The following RHCE variants were observed in gnomAD, a reference collection of about 807,000 sequenced individuals.
RHCE encodes the protein blood group Rh(CE) polypeptide.
RHCE carries 22 observed loss-of-function variants against 43.8 expected under a neutral mutation model. The observed-to-expected ratio is 0.50, with a 90% CI of 0.36 to 0.72. RHCE has a LOEUF of 0.72. RHCE is among the 30% of genes least tolerant of loss of function. The probability of loss-of-function intolerance (pLI) is 0.00; values close to 1 mark genes in which losing one functional copy is unlikely to be tolerated. For synonymous variants in RHCE, 156 were observed against 210.7 expected (o/e 0.74, Z 2.25); for missense variants, 385 against 525.4 (o/e 0.73, Z 2.61).
At chr1:25,394,561 A>T (rs998583028) in intron 3 of RHCE, among the ~76,000 whole-genome samples, 3 of 151,892 alleles carry the variant, frequency 2.0e-5, no homozygotes, top group Admixed American at 1.3e-4. Context: ...ACTCTCTAAC[A>T]TGCTATATCT....
intron 7 of RHCE, among the ~76,000 whole-genome samples, chr1:25,385,074 T>C (rs1485463996): frequency 2.0e-5 from 3 of 152,192 alleles, no homozygotes; most frequent in Non-Finnish European, 4.4e-5. Flanking sequence ...CAGGAAGTAA[T>C]GGCTAGGGCT....
In RHCE at chr1:25,407,972, T is replaced by C. The variant is rs1429168732; in HGVS notation, c.335+711A>G. On this transcript the variant is annotated intron_variant, in intron 2 of 9. Transcript: ENST00000294413. Reference sequence around the variant, plus strand: ...TTCTTGTCTAGTAGCTTTAGGGGGCTGAAAGTCCTTTCTTTTCAAGAGAAT... The same window carrying C: ...TTCTTGTCTAGTAGCTTTAGGGGGCCGAAAGTCCTTTCTTTTCAAGAGAAT... Among the ~76,000 whole-genome samples, 10 of 123,858 alleles carry C rather than the reference T, an allele frequency of 8.1e-5. 4 individuals carry two copies. The highest frequency in any genetic ancestry group is 1.7e-4 in the Non-Finnish European group (9 of 54,242). 81.3% of individuals were successfully genotyped at this position (123,858 alleles called of 152,430 possible). A position where few individuals can be genotyped will look rare whatever the true frequency, so the allele number is the denominator to read the frequency against.
At chr1:25,422,732 T>C (rs191462340), upstream of RHCE, among the ~76,000 whole-genome samples, 27 of 152,260 alleles carry the variant, frequency 1.8e-4, no homozygotes, top group African/African-American at 6.5e-4. Context: ...CCCAACCTAT[T>C]TGGCACCAGG....
chr1:25,418,499 T>C (rs1438495261), intron 1 of RHCE, among the ~76,000 whole-genome samples: 3 of 151,208 alleles, frequency 2.0e-5, no homozygotes, highest in Non-Finnish European at 4.4e-5. Context: ...GATGGGGTTT[T>C]GCCATGTTGG....
chr1:25,380,593 C>A (rs1014290252), intron 7 of RHCE, among the ~76,000 whole-genome samples: 4 of 152,210 alleles, frequency 2.6e-5, no homozygotes, highest in African/African-American at 9.6e-5. Context: ...ATTCTGCACA[C>A]CTGCAAAATT....
chr1:25,376,764 A>G (rs1242760201), intron 7 of RHCE, among the ~76,000 whole-genome samples: 1 of 151,854 alleles, frequency 6.6e-6, no homozygotes, highest in Non-Finnish European at 1.5e-5. Context: ...AATACAAAAC[A>G]TTAGCCGGGA....
At chr1:25,377,379 G>C (rs935031898) in intron 7 of RHCE, among the ~76,000 whole-genome samples, 4 of 151,894 alleles carry the variant, frequency 2.6e-5, no homozygotes, top group Non-Finnish European at 2.9e-5. Context: ...TGTATTTTTA[G>C]TAAGGACAGG....
chr1:25,376,037 C>G (rs1028109614), intron 7 of RHCE, among the ~76,000 whole-genome samples: 2 of 152,068 alleles, frequency 1.3e-5, no homozygotes, highest in Non-Finnish European at 2.9e-5. Context: ...GTGATCTGCC[C>G]GCCTTGGCCT....
chr1:25,429,861 AC>A (rs750693984), intron 1 of RHCE: 6 of 152,120 alleles, frequency 3.9e-5, no homozygotes. Flanking sequence ...CACCATGCGG[AC>A]TTTTCTAAGT....
intron 2 of RHCE, among the ~76,000 whole-genome samples, chr1:25,404,553 G>T: frequency 6.6e-6 from 1 of 150,518 alleles, no homozygotes; most frequent in South Asian, 2.1e-4. Context: ...ATTGACAAAG[G>T]CTTAACTCAG....
intron 1 of RHCE, among the ~76,000 whole-genome samples, chr1:25,410,858 G>A (rs748693983): frequency 1.3e-5 from 2 of 152,116 alleles, no homozygotes; most frequent in Non-Finnish European, 2.9e-5. Flanking sequence ...TTAGGAGGAT[G>A]AGGTGGGCAG....
chr1:25,370,406 C>T (rs1237182915), intron 9 of RHCE, 61 bp downstream of exon 9: 3 of 1,386,892 alleles, frequency 2.2e-6, no homozygotes, highest in East Asian at 2.3e-5. Context: ...CATATATACC[C>T]AGGTATGTTT....
In RHCE at chr1:25,408,546, A is replaced by G. The variant is rs978088779; in HGVS notation, c.335+137T>C. 9 of 719,748 alleles carry G rather than the reference A, an allele frequency of 1.3e-5. 3 individuals carry two copies. The highest frequency in any genetic ancestry group is 1.9e-5 in the Non-Finnish European group (9 of 474,596). 44.6% of individuals were successfully genotyped at this position (719,748 alleles called of 1,614,324 possible). ...AATTTTAAACAATGAATAATCTTTT[A>G]GCATAAGGATGTCCTAAATATTGCA... On this transcript the variant is annotated intron_variant, in intron 2 of 9. Coordinates refer to ENST00000294413, the MANE Select transcript of RHCE (RefSeq NM_020485.8).
At chr1:25,393,916 G>T (rs1410265112) in intron 3 of RHCE, among the ~76,000 whole-genome samples, 2 of 152,048 alleles carry the variant, frequency 1.3e-5, no homozygotes, top group Admixed American at 6.5e-5. Flanking sequence ...AAGCAATCGG[G>T]GTGCCTTGTC....
intron 6 of RHCE, among the ~76,000 whole-genome samples, chr1:25,387,191 T>C (rs1350315583): frequency 6.6e-6 from 1 of 152,190 alleles, no homozygotes; most frequent in Non-Finnish European, 1.5e-5. Flanking sequence ...CACACTCTTC[T>C]TACCAATAAG....
intron 9 of RHCE, 38 bp downstream of exon 9, chr1:25,370,429 A>C: frequency 6.5e-7 from 1 of 1,547,060 alleles, no homozygotes; most frequent in Non-Finnish European, 8.9e-7. Context: ...AAGTTCATGC[A>C]CTCAAAATCT....
At chr1:25,416,094 A>T (rs112136614) in intron 1 of RHCE, among the ~76,000 whole-genome samples, 73,379 of 150,208 alleles carry the variant, frequency 0.49, 18,302 homozygotes, top group Non-Finnish European at 0.54. Flanking sequence ...TAATATTCAG[A>T]TTCACCCAGA....
chr1:25,380,878 G>A (rs2124372458), intron 7 of RHCE, among the ~76,000 whole-genome samples: 2 of 148,504 alleles, frequency 1.3e-5, no homozygotes, highest in Middle Eastern at 7.1e-3. Flanking sequence ...TTTGTTCTAT[G>A]TGTACTAATT....
At chr1:25,420,438 G>GAA (rs1030953650) in intron 1 of RHCE, among the ~76,000 whole-genome samples, 14 of 152,170 alleles carry the variant, frequency 9.2e-5, no homozygotes, top group African/African-American at 3.1e-4. Flanking sequence ...AGGCTTCACA[G>GAA]AAGAGGGCAT....
Sources: gnomAD v4.1 joint callset for allele counts (sites outside exome capture counted in the v4.1 genomes callset) on GRCh38, gnomAD v4.1.1 for gene constraint, MANE v1.5 for transcripts, NCBI Gene and HGNC (gene_info 2026-07-23, HGNC 2026-07-21) for gene names.